CD226: variants seen among roughly 807,000 people sequenced by gnomAD.
The protein encoded by CD226 is CD226 antigen.
In CD226, 24 loss-of-function variants were observed where a neutral mutation model predicts 34.9. The observed-to-expected ratio is 0.69, with a 90% CI of 0.50 to 0.97. The LOEUF (loss-of-function observed/expected upper bound fraction) is 0.97, where lower values mean the gene tolerates loss of function less well. Among genes scored for constraint, CD226 ranks in the 50% least tolerant of loss-of-function variants. The pLI is 0.00. For missense variants in CD226, 397 were observed against 412.7 expected (o/e 0.96, Z 0.33); for synonymous variants, 148 against 147.4 (o/e 1.00, Z -0.03).
chr18:69,955,635 G>A (rs2055890065), intron 1 of CD226, among the ~76,000 whole-genome samples: 2 of 152,038 alleles, frequency 1.3e-5, no homozygotes, highest in South Asian at 4.2e-4. Flanking sequence ...AGGCCGAGGC[G>A]GGCGGATCAT....
chr18:69,865,392 T>A (rs1376127956), intron 5 of CD226, among the ~76,000 whole-genome samples: 1 of 151,448 alleles, frequency 6.6e-6, no homozygotes, highest in East Asian at 2.1e-4. Context: ...TTCTAATGTC[T>A]TTTTTTGACA....
intron 2 of CD226, among the ~76,000 whole-genome samples, chr18:69,911,250 G>T (rs1452833017): frequency 6.6e-6 from 1 of 152,182 alleles, no homozygotes; most frequent in Non-Finnish European, 1.5e-5. Context: ...GGTTTGGGGT[G>T]CTGGAGATTG....
chr18:69,935,568 C>A lies in CD226; in HGVS notation c.382+11166G>T, dbSNP rs562190435. On this transcript the variant is annotated intron_variant, in intron 2 of 5. Coordinates refer to ENST00000582621, the MANE Select transcript of CD226 (RefSeq NM_001303618.2). The stretch of plus-strand genomic sequence containing the variant: ...CCCACGCTGCATTGGCACCCACACA[C>A]CACCAACACCCATTCTGAAGAGGAA... Among the ~76,000 whole-genome samples the A allele has an allele frequency of 5.9e-5, 9 of 152,334 alleles. No individual in the cohort carries two copies. The South Asian group carries it at 1.9e-3, about 32-fold the overall frequency.
intron 2 of CD226, among the ~76,000 whole-genome samples, chr18:69,916,195 G>T (rs3931957): frequency 0.77 from 117,340 of 152,152 alleles, 52,128 homozygotes; most frequent in East Asian, 1. Flanking sequence ...TGATTTATTT[G>T]TAATATACCA....
chr18:69,914,562 A>T (rs2055363336), intron 2 of CD226, among the ~76,000 whole-genome samples: 1 of 152,216 alleles, frequency 6.6e-6, no homozygotes, highest in South Asian at 2.1e-4. Flanking sequence ...ACTGAAGTAA[A>T]TTGGAAAAAG....
chr18:69,961,285 A>G (rs1268201717), upstream of CD226, among the ~76,000 whole-genome samples: 3 of 152,222 alleles, frequency 2.0e-5, no homozygotes, highest in Admixed American at 6.5e-5. Context: ...AAATGGAGGT[A>G]TGTCCTATGC....
At chr18:69,880,780 T>C (rs1329688237) in intron 3 of CD226, among the ~76,000 whole-genome samples, 1 of 151,566 alleles carries the variant, frequency 6.6e-6, no homozygotes, top group Non-Finnish European at 1.5e-5. Context: ...GCCCCCTGAG[T>C]AGCTGGGACT....
In CD226 at chr18:69,926,465, G is replaced by A. The variant is rs894259587; in HGVS notation, c.382+20269C>T. ...TTTATGGCATTATCCCCATGAGAGC[G>A]TTATTTCATACCATCATGTAATGTC... On this transcript the variant is annotated intron_variant, in intron 2 of 5. Transcript: ENST00000582621. Among the ~76,000 whole-genome samples the A allele has an allele frequency of 6.6e-5, 10 of 152,076 alleles. No homozygotes were observed. In the South Asian group the frequency reaches 1.0e-3, roughly 16 times the overall value.
chr18:69,905,081 C>A (rs2055235465), intron 2 of CD226, among the ~76,000 whole-genome samples: 1 of 152,176 alleles, frequency 6.6e-6, no homozygotes, highest in Non-Finnish European at 1.5e-5. Flanking sequence ...TTAGTCCCCA[C>A]AAATAAGTCA....
chr18:69,923,297 T>C (rs567024144), intron 2 of CD226, among the ~76,000 whole-genome samples: 4 of 152,042 alleles, frequency 2.6e-5, no homozygotes, highest in Non-Finnish European at 5.9e-5. Flanking sequence ...CATGGCATCA[T>C]AATGTTGGAA....
At chr18:69,922,721 G>T (rs1196252475) in intron 2 of CD226, among the ~76,000 whole-genome samples, 1 of 152,210 alleles carries the variant, frequency 6.6e-6, no homozygotes, top group Non-Finnish European at 1.5e-5. Flanking sequence ...GATGCACAGT[G>T]CTGAAAACGA....
At chr18:69,922,394 G>A (rs1012618963) in intron 2 of CD226, among the ~76,000 whole-genome samples, 1 of 152,120 alleles carries the variant, frequency 6.6e-6, no homozygotes, top group South Asian at 2.1e-4. Context: ...CAGTCCTCCT[G>A]CCTCAGCCTC....
rs1229708852 is a variant in CD226, at chr18:69,867,422, T to C, written c.831-11A>G. 10 of 1,507,612 alleles carry C rather than the reference T, an allele frequency of 6.6e-6. 1 individual carries two copies. Among genetic ancestry groups the C allele is most frequent in the South Asian group, 4.5e-5 (4 of 89,094 alleles). 93.4% of individuals were successfully genotyped at this position (1,507,612 alleles called of 1,614,324 possible). On this transcript the variant is annotated splice_polypyrimidine_tract_variant and intron_variant, in intron 4 of 5. Transcript: ENST00000582621. Reference sequence around the variant, plus strand: ...TCTCTCCTTCTCCTTCTGGAATGCATATTCAATAAAGGATATAAAGATATG... The same window carrying C: ...TCTCTCCTTCTCCTTCTGGAATGCACATTCAATAAAGGATATAAAGATATG...
At chr18:69,883,507 A>T (rs1984384434) in intron 3 of CD226, among the ~76,000 whole-genome samples, 1 of 152,234 alleles carries the variant, frequency 6.6e-6, no homozygotes, top group African/African-American at 2.4e-5. Context: ...CTCAGAGGAC[A>T]CCAGGACAGC....
chr18:69,927,187 C>T lies in CD226; in HGVS notation c.382+19547G>A, dbSNP rs568118017. On this transcript the variant is annotated intron_variant, in intron 2 of 5. Coordinates refer to ENST00000582621, the MANE Select transcript of CD226 (RefSeq NM_001303618.2). Reference sequence around the variant, plus strand: ...CTTTGCCCCTTCCACCATATGAGGACGCAGCAAGAAGGCGCCGTCTTGGAA... The same window carrying T: ...CTTTGCCCCTTCCACCATATGAGGATGCAGCAAGAAGGCGCCGTCTTGGAA... Among the ~76,000 whole-genome samples the T allele has an allele frequency of 2.6e-4, 39 of 152,182 alleles. No homozygotes were observed. In the South Asian group the frequency reaches 6.2e-3, roughly 24 times the overall value.
At chr18:69,935,848 A>C (rs1242666752) in intron 2 of CD226, among the ~76,000 whole-genome samples, 1 of 152,190 alleles carries the variant, frequency 6.6e-6, no homozygotes, top group Non-Finnish European at 1.5e-5. Context: ...ATAAATACCT[A>C]CAATAAGAAG....
At chr18:69,954,883 C>T (rs763595268) in intron 1 of CD226, among the ~76,000 whole-genome samples, 5 of 152,088 alleles carry the variant, frequency 3.3e-5, no homozygotes, top group Admixed American at 1.3e-4. Flanking sequence ...ATAGAGACAG[C>T]GCTTGAGCTA....
chr18:69,958,275 C>G (rs1599041108), upstream of CD226, among the ~76,000 whole-genome samples: 1 of 152,204 alleles, frequency 6.6e-6, no homozygotes, highest in African/African-American at 2.4e-5. Context: ...GCACAGGGCC[C>G]TTGACCATGC....
chr18:69,938,823 G>A (rs559346695), intron 2 of CD226, among the ~76,000 whole-genome samples: 4 of 152,338 alleles, frequency 2.6e-5, no homozygotes, highest in African/African-American at 7.2e-5. Flanking sequence ...GGTGGCCTAT[G>A]CCTGTAATTC....
Sources: allele counts gnomAD v4.1 joint callset (sites outside exome capture counted in the v4.1 genomes callset), GRCh38; gene constraint gnomAD v4.1.1; transcripts MANE v1.5; gene names NCBI Gene and HGNC (gene_info 2026-07-23, HGNC 2026-07-21).